The following WDR7 variants were observed in gnomAD, a reference collection of about 807,000 sequenced individuals.
WDR7 encodes the protein WD repeat-containing protein 7.
Under a neutral mutation model 169.4 loss-of-function variants are expected in WDR7, and 46 were observed. That is an observed-to-expected ratio of 0.27 (90% CI 0.21 to 0.35). The LOEUF (loss-of-function observed/expected upper bound fraction) is 0.35, where lower values mean the gene tolerates loss of function less well. Ranked by LOEUF, WDR7 falls within the 10% of genes least tolerant of loss-of-function variation. The pLI is 1.00. For missense variants in WDR7, 1,534 were observed against 1,859.3 expected, an observed-to-expected ratio of 0.83 and a Z score of 3.22; for synonymous variants, 612 against 666.8, an observed-to-expected ratio of 0.92 and a Z score of 1.27.
At chr18:56,698,531 AGGAGGTGGAGCTT>A (rs2144653767) in intron 12 of WDR7, among the ~76,000 whole-genome samples, 1 of 151,446 alleles carries the variant, frequency 6.6e-6, no homozygotes, top group Admixed American at 6.6e-5. Context: ...GCGTGAACCC[AGGAGGTGGAGCTT>A]GCAGTGAGCT....
chr18:56,787,115 G>A (rs1420583768), intron 19 of WDR7, among the ~76,000 whole-genome samples: 1 of 152,040 alleles, frequency 6.6e-6, no homozygotes, highest in Non-Finnish European at 1.5e-5. Context: ...TCTACTTGTA[G>A]CATTTTGAGA....
chr18:56,756,984 G>A lies in WDR7; in HGVS notation c.2391G>A (p.Met797Ile), dbSNP rs760977292. 1.9e-6 allele frequency: 3 copies of A among 1,614,058 alleles called. No individual in the cohort carries two copies. The highest frequency in any genetic ancestry group is 2.2e-5 in the East Asian group (1 of 44,878). The stretch of plus-strand genomic sequence containing the variant: ...CCCTATTAGAATATAATTTAACTAT[G>A]GACACTGCAAAGCTGTTTATGTCCT... ...PLTLLEYNLT[M>I]DTAKLFMSCL... The change falls in exon 15 of 28, where the codon ATG becomes ATA. Residue 797 changes from methionine (M) to isoleucine (I), a missense_variant. Coordinates refer to ENST00000254442, the MANE Select transcript of WDR7 (RefSeq NM_015285.3).
intron 1 of WDR7, among the ~76,000 whole-genome samples, chr18:56,657,998 T>C (rs1330305992): frequency 6.6e-6 from 1 of 152,102 alleles, no homozygotes; most frequent in Admixed American, 6.6e-5. Flanking sequence ...ACAACGAATG[T>C]TAGGGCACTG....
Position 56,695,207 on chromosome 18 carries a change from A to G in WDR7, c.1357+9A>G, listed in dbSNP as rs770557775. On this transcript the variant is annotated intron_variant, in intron 11 of 27. Transcript: ENST00000254442. ...ACACATGCTCAGAAGAGGTATACTGAAGAGCTCCGTATGTCTAAAGTGTTT... is the reference window on the plus strand; with the variant it reads ...ACACATGCTCAGAAGAGGTATACTGGAGAGCTCCGTATGTCTAAAGTGTTT... 1.2e-6 allele frequency: 2 copies of G among 1,612,366 alleles called. No homozygotes were observed. The highest frequency in any genetic ancestry group is 1.7e-6 in the Non-Finnish European group (2 of 1,178,720).
chr18:56,747,168 A>T (rs1478146926), intron 14 of WDR7, among the ~76,000 whole-genome samples: 1 of 152,174 alleles, frequency 6.6e-6, no homozygotes, highest in Admixed American at 6.5e-5. Context: ...GAGTCCCCTG[A>T]TAGCTAGAAT....
At chr18:56,952,229 G>T (rs887038209) in intron 25 of WDR7, among the ~76,000 whole-genome samples, 12 of 152,184 alleles carry the variant, frequency 7.9e-5, no homozygotes, top group Admixed American at 6.5e-4. Flanking sequence ...ATTCCAGGTG[G>T]TGAGGGCTCC....
chr18:56,852,889 A>G (rs754667568), intron 20 of WDR7, among the ~76,000 whole-genome samples: 1 of 152,162 alleles, frequency 6.6e-6, no homozygotes, highest in African/African-American at 2.4e-5. Flanking sequence ...ATATTCTTTA[A>G]GTGTTCTACT....
At chr18:56,715,609 G>A (rs2026174250) in intron 12 of WDR7, among the ~76,000 whole-genome samples, 1 of 152,048 alleles carries the variant, frequency 6.6e-6, no homozygotes, top group South Asian at 2.1e-4. Flanking sequence ...TGAGGCAGGC[G>A]GATTGCTTGA....
chr18:56,895,400 A>C (rs1481012983), intron 21 of WDR7, among the ~76,000 whole-genome samples: 3 of 151,964 alleles, frequency 2.0e-5, no homozygotes, highest in Admixed American at 6.6e-5. Flanking sequence ...GGAGGAATGC[A>C]GATGACAATA....
intron 26 of WDR7, among the ~76,000 whole-genome samples, chr18:56,993,170 G>C (rs2047842197): frequency 6.6e-6 from 1 of 152,180 alleles, no homozygotes; most frequent in South Asian, 2.1e-4. Flanking sequence ...GGTCTCCTTA[G>C]AAGGAAAGTT....
chr18:56,912,443 G>T (rs7239701), intron 21 of WDR7, among the ~76,000 whole-genome samples: 137,606 of 152,232 alleles, frequency 0.9, 62,438 homozygotes, highest in East Asian at 0.98. Flanking sequence ...AGGAAATCAT[G>T]GTCACAGGAG....
chr18:56,813,144 A>G (rs1281338356), intron 19 of WDR7, among the ~76,000 whole-genome samples: 7 of 151,694 alleles, frequency 4.6e-5, no homozygotes, highest in Non-Finnish European at 1.5e-5. Flanking sequence ...ACTAACCTGC[A>G]CAATGTGCAC....
intron 2 of WDR7, among the ~76,000 whole-genome samples, chr18:56,676,832 T>TC (rs58051597): frequency 0.92 from 139,357 of 151,822 alleles, 65,125 homozygotes; most frequent in East Asian, 1. Flanking sequence ...CACCCCAGCC[T>TC]CCAAGTATCT....
intron 19 of WDR7, among the ~76,000 whole-genome samples, chr18:56,796,309 C>T (rs1414215947): frequency 6.6e-6 from 1 of 152,190 alleles, no homozygotes; most frequent in African/African-American, 2.4e-5. Context: ...ACCCTACTGG[C>T]TCACTCCCTC....
At chr18:56,751,033 T>C (rs2043782701) in intron 14 of WDR7, among the ~76,000 whole-genome samples, 1 of 152,202 alleles carries the variant, frequency 6.6e-6, no homozygotes, top group Admixed American at 6.5e-5. Context: ...TGTTATCTTC[T>C]CATCTGTTTT....
At chr18:56,932,911 C>G in intron 22 of WDR7, among the ~76,000 whole-genome samples, 1 of 149,470 alleles carries the variant, frequency 6.7e-6, no homozygotes, top group Non-Finnish European at 1.5e-5. Context: ...GTGTGTCTAT[C>G]TGTCTGTCTC....
Position 56,756,705 on chromosome 18 carries a change from T to A in WDR7, c.2112T>A (p.Thr704=), listed in dbSNP as rs150708627. 260 of 1,614,074 alleles carry A rather than the reference T, an allele frequency of 1.6e-4. No homozygotes were observed. The highest frequency in any genetic ancestry group is 1.3e-4 in the Non-Finnish European group (158 of 1,180,040). ...DVEALIIQLL[T]EEASRPNTAL... ...AAGCGTTGATTATTCAACTCCTGAC[T>A]GAAGAAGCCTCTAGGCCGAATACTG... The change falls in exon 15 of 28, where the codon ACT becomes ACA. Residue 704 remains threonine, a synonymous_variant. Transcript: ENST00000254442.
intron 12 of WDR7, among the ~76,000 whole-genome samples, chr18:56,700,685 T>C (rs1040969295): frequency 8.7e-5 from 13 of 149,750 alleles, no homozygotes; most frequent in Non-Finnish European, 1.8e-4. Context: ...TTCTCCTGCC[T>C]CAGCCTCCCG....
In WDR7 at chr18:56,833,397, A is replaced by G. The variant is rs554561182; in HGVS notation, c.3304+17253A>G. On this transcript the variant is annotated intron_variant, in intron 20 of 27. Coordinates refer to ENST00000254442, the MANE Select transcript of WDR7 (RefSeq NM_015285.3). ...TAGCATTAGGAGAAATACCTAATGT[A>G]GATGAGGGGTTGATGTAACCTATGT... 2.0e-5 allele frequency among the ~76,000 whole-genome samples: 3 copies of G among 152,266 alleles called. No homozygotes were observed. The East Asian group carries it at 5.8e-4, about 30-fold the overall frequency.
Sources: gnomAD v4.1 joint callset for allele counts (sites outside exome capture counted in the v4.1 genomes callset) on GRCh38, gnomAD v4.1.1 for gene constraint, MANE v1.5 for transcripts, NCBI Gene and HGNC (gene_info 2026-07-23, HGNC 2026-07-21) for gene names.